The following THSD7A variants were observed in gnomAD, a reference collection of about 807,000 sequenced individuals.
The protein encoded by THSD7A is thrombospondin type-1 domain-containing protein 7A.
A neutral mutation model predicts 231.3 loss-of-function variants in THSD7A; 96 were observed. That is an observed-to-expected ratio of 0.41 (90% CI 0.35 to 0.49). The LOEUF (loss-of-function observed/expected upper bound fraction) is 0.49, where lower values mean the gene tolerates loss of function less well. Among genes scored for constraint, THSD7A ranks in the 20% least tolerant of loss-of-function variants. THSD7A has a pLI of 0.05. For synonymous variants in THSD7A, 940 were observed against 743.3 expected, an observed-to-expected ratio of 1.26 and a Z score of -4.30; for missense variants, 2,290 against 2,070.2, an observed-to-expected ratio of 1.11 and a Z score of -2.06.
chr7:11,666,038 CAATT>C (rs1455325420), intron 1 of THSD7A, among the ~76,000 whole-genome samples: 3 of 151,546 alleles, frequency 2.0e-5, no homozygotes, highest in Admixed American at 1.3e-4. Context: ...CACTGATTCC[CAATT>C]AATTGTTTGT....
intron 1 of THSD7A, among the ~76,000 whole-genome samples, chr7:11,646,856 T>C (rs1391190990): frequency 6.6e-6 from 1 of 151,982 alleles, no homozygotes; most frequent in African/African-American, 2.4e-5. Flanking sequence ...ATAGTTTATT[T>C]TAGAAGTAAT....
intron 1 of THSD7A, among the ~76,000 whole-genome samples, chr7:11,755,489 G>C (rs1782642566): frequency 6.6e-6 from 1 of 152,042 alleles, no homozygotes; most frequent in Admixed American, 6.6e-5. Flanking sequence ...AGCCAAAAGG[G>C]AAGGCTTGGA....
chr7:11,746,558 A>G (rs186718418), intron 1 of THSD7A, among the ~76,000 whole-genome samples: 14 of 151,908 alleles, frequency 9.2e-5, no homozygotes, highest in East Asian at 2.0e-4. Flanking sequence ...GTTTTCCTCA[A>G]TTTGGGTTTG....
rs1786094440 is a variant in THSD7A at position 11,474,890 on chromosome 7, C to T, written c.2018-322G>A. ...TAGTATAACTGGGATTCAAGGAGTA[C>T]AATTTCACTACTTTTTGGAGTCTGA... On this transcript the variant is annotated intron_variant, in intron 7 of 27. Coordinates refer to ENST00000423059, the MANE Select transcript of THSD7A (RefSeq NM_015204.3). This position sits in a 1 kb window ranked among gnomAD's most constrained non-coding sequence, Gnocchi z 4.1. Among the ~76,000 whole-genome samples the T allele has an allele frequency of 6.6e-6, 1 of 152,028 alleles. No homozygotes were observed. The highest frequency in any genetic ancestry group is 2.1e-4 in the South Asian group (1 of 4,824).
intron 1 of THSD7A, among the ~76,000 whole-genome samples, chr7:11,698,486 T>C (rs1430872179): frequency 6.6e-6 from 1 of 151,414 alleles, no homozygotes. Flanking sequence ...GCCATTTAGC[T>C]ACAGCTGACA....
At chr7:11,662,627 A>G (rs934541554) in intron 1 of THSD7A, among the ~76,000 whole-genome samples, 3 of 151,420 alleles carry the variant, frequency 2.0e-5, no homozygotes, top group African/African-American at 7.3e-5. Flanking sequence ...ATTTCTTTTG[A>G]ATGCGCATAA....
At position 11,810,343 on chromosome 7, in the gene THSD7A, T is replaced by C. The variant is rs182693638; in HGVS notation, c.190+21414A>G. ...CTTTGGAGGCCAGTACAAATGTAAA[T>C]ATCAGGCTTTTCTTGGCCCTTCCTT... is the stretch of plus-strand genomic sequence containing the variant. On this transcript the variant is annotated intron_variant, in intron 1 of 27. Coordinates refer to ENST00000423059, the MANE Select transcript of THSD7A (RefSeq NM_015204.3). 7.2e-5 allele frequency among the ~76,000 whole-genome samples: 11 copies of C among 152,260 alleles called. No homozygotes were observed. The East Asian group carries it at 1.9e-3, about 27-fold the overall frequency.
chr7:11,808,626 G>C (rs1181504330), intron 1 of THSD7A, among the ~76,000 whole-genome samples: 1 of 152,112 alleles, frequency 6.6e-6, no homozygotes, highest in Non-Finnish European at 1.5e-5. Flanking sequence ...GATGGCTTGA[G>C]ATTTGTTGTG....
At chr7:11,799,512 A>T (rs1562564389) in intron 1 of THSD7A, among the ~76,000 whole-genome samples, 1 of 152,204 alleles carries the variant, frequency 6.6e-6, no homozygotes, top group Non-Finnish European at 1.5e-5. Flanking sequence ...TAACAAGAAT[A>T]AAAATGTATC....
chr7:11,704,864 G>A (rs1250332666), intron 1 of THSD7A, among the ~76,000 whole-genome samples: 2 of 151,044 alleles, frequency 1.3e-5, no homozygotes, highest in African/African-American at 4.8e-5. Flanking sequence ...ATCGTATGAT[G>A]TGGCACCATA....
At chr7:11,718,758 A>G (rs769015909) in intron 1 of THSD7A, among the ~76,000 whole-genome samples, 18 of 151,740 alleles carry the variant, frequency 1.2e-4, no homozygotes, top group Non-Finnish European at 1.6e-4. Flanking sequence ...GCTCTAAAAC[A>G]TGTTTTTAAA....
intron 1 of THSD7A, among the ~76,000 whole-genome samples, chr7:11,727,473 T>C (rs1371762687): frequency 6.6e-6 from 1 of 151,948 alleles, no homozygotes; most frequent in Non-Finnish European, 1.5e-5. Context: ...AGTTAATAAA[T>C]AAATCACCTA....
intron 1 of THSD7A, among the ~76,000 whole-genome samples, chr7:11,766,879 G>A (rs1296742005): frequency 6.6e-6 from 1 of 152,140 alleles, no homozygotes; most frequent in Non-Finnish European, 1.5e-5. Flanking sequence ...GAAAATCTGG[G>A]AAATTTGAAA....
rs1562638342 is a variant in THSD7A, at chr7:11,474,063, C to T, written c.2252+271G>A. 6.6e-6 allele frequency among the ~76,000 whole-genome samples: 1 copy of T among 152,104 alleles called. No homozygotes were observed. The highest frequency in any genetic ancestry group is 1.5e-5 in the Non-Finnish European group (1 of 68,022). ...TTACGGCAAGCACTTCTTTCATTGCCTCACTAGCTTAATAAAAGCAGAAAG... is the reference window on the plus strand; with the variant it reads ...TTACGGCAAGCACTTCTTTCATTGCTTCACTAGCTTAATAAAAGCAGAAAG... On this transcript the variant is annotated intron_variant, in intron 8 of 27. Coordinates refer to ENST00000423059, the MANE Select transcript of THSD7A (RefSeq NM_015204.3). The surrounding 1 kb of genome is among the most constrained non-coding windows in gnomAD (Gnocchi z 4.1).
At chr7:11,638,471 T>C (rs1781953594) in intron 1 of THSD7A, among the ~76,000 whole-genome samples, 1 of 152,196 alleles carries the variant, frequency 6.6e-6, no homozygotes, top group Non-Finnish European at 1.5e-5. Context: ...ACATTTAATT[T>C]TGCTTAATGA....
chr7:11,590,967 T>G lies in THSD7A; in HGVS notation c.1272-326A>C. Among the ~76,000 whole-genome samples, 1 of 152,182 alleles carries G rather than the reference T, an allele frequency of 6.6e-6. No individual in the cohort carries two copies. The highest frequency in any genetic ancestry group is 2.4e-5 in the African/African-American group (1 of 41,442). Reference sequence around the variant, plus strand: ...CTGAACCCAGGCTTGCCCTTTCTTGTTGCCTATAAACAAAGGTGGATTGAA... The same window carrying G: ...CTGAACCCAGGCTTGCCCTTTCTTGGTGCCTATAAACAAAGGTGGATTGAA... On this transcript the variant is annotated intron_variant, in intron 3 of 27. Transcript: ENST00000423059. The surrounding 1 kb of genome is among the most constrained non-coding windows in gnomAD (Gnocchi z 4.4).
At chr7:11,767,783 A>G (rs1460483933) in intron 1 of THSD7A, among the ~76,000 whole-genome samples, 1 of 152,152 alleles carries the variant, frequency 6.6e-6, no homozygotes. Flanking sequence ...AAAATGAAAG[A>G]TCTGAGTGCA....
At chr7:11,508,646 C>G (rs574579503) in intron 6 of THSD7A, among the ~76,000 whole-genome samples, 55 of 152,192 alleles carry the variant, frequency 3.6e-4, no homozygotes, top group Non-Finnish European at 7.1e-4. Flanking sequence ...TTAGCACTAC[C>G]ATGTTCATTG....
intron 6 of THSD7A, among the ~76,000 whole-genome samples, chr7:11,519,038 G>A (rs1165929224): frequency 6.6e-6 from 1 of 151,956 alleles, no homozygotes; most frequent in East Asian, 1.9e-4. Flanking sequence ...TTTGGAGTTC[G>A]GCATATCTGA....
Sources: allele counts gnomAD v4.1 joint callset (sites outside exome capture counted in the v4.1 genomes callset), GRCh38; gene constraint gnomAD v4.1.1; non-coding constraint Gnocchi (gnomAD v3.1); transcripts MANE v1.5; gene names NCBI Gene and HGNC (gene_info 2026-07-23, HGNC 2026-07-21).